Variants in TJP2 observed in about 807,000 individuals in gnomAD.
TJP2 encodes Friedreich ataxia region gene X104 (tight junction protein ZO-2).
In TJP2, 91 loss-of-function variants were observed where a neutral mutation model predicts 133.1. The observed-to-expected ratio is 0.68, with a 90% CI of 0.58 to 0.81. The LOEUF is 0.81. TJP2 is among the 40% of genes least tolerant of loss of function. The probability of loss-of-function intolerance (pLI) is 0.00; values close to 1 mark genes in which losing one functional copy is unlikely to be tolerated. For missense variants in TJP2, 1,541 were observed against 1,565.6 expected (o/e 0.98, Z 0.26); for synonymous variants, 592 against 583.4 (o/e 1.01, Z -0.21).
chr9:69,175,804 G>A, intron 1 of TJP2, among the ~76,000 whole-genome samples: 1 of 152,230 alleles, frequency 6.6e-6, no homozygotes, highest in East Asian at 1.9e-4. Flanking sequence ...TGTTTCTTGT[G>A]TTTTTTTCAG....
intron 20 of TJP2, 88 bp from the exon 21 acceptor site, chr9:69,250,947 T>A: frequency 7.6e-7 from 1 of 1,316,550 alleles, no homozygotes; most frequent in Non-Finnish European, 1.1e-6. Flanking sequence ...TGGAAACTGA[T>A]CAGGAAATGG....
intron 1 of TJP2, among the ~76,000 whole-genome samples, chr9:69,210,463 A>G (rs916667316): frequency 2.0e-5 from 3 of 152,362 alleles, no homozygotes; most frequent in Admixed American, 6.5e-5. Context: ...TGAGTAGGAT[A>G]CAAAAATTTC....
chr9:69,159,027 G>A lies in TJP2; in HGVS notation c.-10+7256G>A, dbSNP rs1252314744. ...ATTTGATATTTGAAAAAAATATGCC[G>A]GGCACGGTGGTTTACACCTGTAATC... On this transcript the variant is annotated intron_variant, in intron 2 of 5. Coordinates refer to the TJP2 transcript ENST00000423935. Among the ~76,000 whole-genome samples the A allele has an allele frequency of 2.6e-5, 4 of 151,796 alleles. No homozygotes were observed. In the East Asian group the frequency reaches 5.8e-4, roughly 22 times the overall value.
chr9:69,237,806 A>G, intron 14 of TJP2, 72 bp from the exon 15 acceptor site: 1 of 1,082,900 alleles, frequency 9.2e-7, no homozygotes, highest in Non-Finnish European at 1.4e-6. Flanking sequence ...AAAAGCCCAT[A>G]CAATACTTTT....
chr9:69,152,692 G>A (rs146974787), intron 2 of TJP2, among the ~76,000 whole-genome samples: 3 of 152,094 alleles, frequency 2.0e-5, no homozygotes, highest in African/African-American at 7.2e-5. Flanking sequence ...CCAGGCCCAT[G>A]CTAAGGCCTT....
intron 1 of TJP2, among the ~76,000 whole-genome samples, chr9:69,186,980 G>A (rs1825900878): frequency 6.6e-6 from 1 of 152,180 alleles, no homozygotes; most frequent in Admixed American, 6.5e-5. Flanking sequence ...GCTGAGAAAT[G>A]TGGGGAAACA....
intron 2 of TJP2, among the ~76,000 whole-genome samples, chr9:69,154,612 G>A (rs1377520287): frequency 6.7e-6 from 1 of 149,284 alleles, no homozygotes; most frequent in Non-Finnish European, 1.5e-5. Context: ...GACATAGACC[G>A]ACCCTGTCTC....
intron 1 of TJP2, among the ~76,000 whole-genome samples, chr9:69,134,076 T>G (rs1315111880): frequency 6.6e-6 from 1 of 152,162 alleles, no homozygotes; most frequent in Non-Finnish European, 1.5e-5. Flanking sequence ...GCATGCTGGG[T>G]CGCAGTTGCT....
At chr9:69,204,835 G>A in intron 1 of TJP2, 1 of 1,096,680 alleles carries the variant, frequency 9.1e-7, no homozygotes, top group Non-Finnish European at 1.1e-6. Context: ...ACTCAATTCT[G>A]TCAACTTAGA....
intron 21 of TJP2, among the ~76,000 whole-genome samples, chr9:69,252,240 C>T (rs560368993): frequency 6.6e-6 from 1 of 152,226 alleles, no homozygotes; most frequent in East Asian, 1.9e-4. Flanking sequence ...AGCAATGCAC[C>T]CTCCTCAGCC....
chr9:69,183,802 T>C (rs955373217), intron 1 of TJP2, among the ~76,000 whole-genome samples: 2 of 152,170 alleles, frequency 1.3e-5, no homozygotes, highest in Admixed American at 6.5e-5. Flanking sequence ...TGGCATGATC[T>C]CAGCTCATTG....
rs1829262726 is a variant in TJP2, at chr9:69,225,396, A to G, written c.1045A>G (p.Ile349Val). 1.9e-6 allele frequency: 3 copies of G among 1,612,864 alleles called. No individual in the cohort carries two copies. Among genetic ancestry groups the G allele is most frequent in the South Asian group, 1.1e-5 (1 of 90,946 alleles). ...AGATGGCAACCTTCACGAAGGAGAC[A>G]TAATTCTCAAGGTGGGTAGATGGGG... ...TKDGNLHEGD[I>V]ILKINGTVTE... The change falls in exon 6 of 23, where the codon ATA becomes GTA. Residue 349 changes from isoleucine (I) to valine (V), a missense_variant. By Grantham distance (29) the Ile-to-Val change is conservative (BLOSUM62 3). Transcript: ENST00000377245.
chr9:69,204,690 T>C (rs1374813805), intron 1 of TJP2: 1 of 403,116 alleles, frequency 2.5e-6, no homozygotes, highest in Non-Finnish European at 3.4e-6. Context: ...TGTGTAACAT[T>C]AGCCATTCAG....
intron 1 of TJP2, among the ~76,000 whole-genome samples, chr9:69,201,489 A>T (rs1219301362): frequency 6.6e-6 from 1 of 151,826 alleles, no homozygotes; most frequent in Non-Finnish European, 1.5e-5. Context: ...TGGCTCATGG[A>T]AACCCTCCCT....
chr9:69,166,243 T>C (rs2132880668), intron 2 of TJP2, among the ~76,000 whole-genome samples: 1 of 152,248 alleles, frequency 6.6e-6, no homozygotes, highest in Non-Finnish European at 1.5e-5. Context: ...CCCAAGTAGC[T>C]GGGACTACAG....
At chr9:69,133,932 C>T (rs907796848) in intron 1 of TJP2, among the ~76,000 whole-genome samples, 1 of 152,096 alleles carries the variant, frequency 6.6e-6, no homozygotes, top group African/African-American at 2.4e-5. Context: ...AATATGTACT[C>T]CTATTATTAA....
chr9:69,238,619 G>A, intron 15 of TJP2, 91 bp from the exon 16 acceptor site: 1 of 950,390 alleles, frequency 1.1e-6, no homozygotes, highest in Non-Finnish European at 1.7e-6. Flanking sequence ...CTTAATGTCA[G>A]GTGTGCCATC....
intron 1 of TJP2, among the ~76,000 whole-genome samples, chr9:69,206,787 C>T (rs1001429532): frequency 3.4e-5 from 5 of 146,928 alleles, no homozygotes; most frequent in African/African-American, 1.4e-4. Flanking sequence ...CCATGTTAGT[C>T]AGTATGGTCT....
At chr9:69,206,580 T>TAA (rs1563908476) in intron 1 of TJP2, among the ~76,000 whole-genome samples, 6 of 151,848 alleles carry the variant, frequency 4.0e-5, no homozygotes, top group Non-Finnish European at 4.4e-5. Context: ...TTTATTTAAT[T>TAA]TTTTTATTTC....
Sources: allele counts gnomAD v4.1 joint callset (sites outside exome capture counted in the v4.1 genomes callset), GRCh38; gene constraint gnomAD v4.1.1; transcripts MANE v1.5; gene names NCBI Gene and HGNC (gene_info 2026-07-23, HGNC 2026-07-21).